OR10J1: variants seen among roughly 807,000 people sequenced by gnomAD.
OR10J1 encodes olfactory receptor family 10 subfamily J member 1, also known as olfactory receptor 10J1.
For missense variants in OR10J1, 474 were observed against 376.6 expected, an observed-to-expected ratio of 1.26 and a Z score of -2.14; for synonymous variants, 202 against 143.8, an observed-to-expected ratio of 1.40 and a Z score of -2.89.
chr1:159,436,050 T>C (rs1050193342), upstream of OR10J1, among the ~76,000 whole-genome samples: 16 of 152,194 alleles, frequency 1.1e-4, no homozygotes, highest in African/African-American at 3.9e-4. Flanking sequence ...AAATATTAAT[T>C]GCTACTGAAG....
At chr1:159,432,028 C>T in the OR10J1 span, among the ~76,000 whole-genome samples, 1 of 152,144 alleles carries the variant, frequency 6.6e-6, no homozygotes. Flanking sequence ...CCCAGAGAAC[C>T]TTGATGGGTC....
upstream of OR10J1, among the ~76,000 whole-genome samples, chr1:159,436,282 G>A (rs2101704602): frequency 6.6e-6 from 1 of 152,158 alleles, no homozygotes; most frequent in South Asian, 2.1e-4. Context: ...TCTGTTACAA[G>A]AAGAAGCTAT....
chr1:159,407,012 C>CT, the OR10J1 span, among the ~76,000 whole-genome samples: 1 of 152,012 alleles, frequency 6.6e-6, no homozygotes, highest in Non-Finnish European at 1.5e-5. Flanking sequence ...ATGTTTTGGT[C>CT]TTTTTTTCCA....
chr1:159,432,895 A>G, upstream of OR10J1: 3 of 422,706 alleles, frequency 7.1e-6, no homozygotes, highest in Middle Eastern at 3.1e-4. Context: ...AGATTGCATC[A>G]GCTGAGGGCA....
the OR10J1 span, chr1:159,406,510 G>T: frequency 4.6e-6 from 1 of 218,758 alleles, no homozygotes; most frequent in East Asian, 1.1e-4. Flanking sequence ...GGTTATCTTT[G>T]TTCCTCTACT....
chr1:159,416,022 G>T, the OR10J1 span, among the ~76,000 whole-genome samples: 42 of 151,768 alleles, frequency 2.8e-4, no homozygotes, highest in African/African-American at 1.0e-3. Context: ...TGATTTTTGT[G>T]TGTTGATTTT....
the OR10J1 span, among the ~76,000 whole-genome samples, chr1:159,410,245 G>A: frequency 1.3e-5 from 2 of 152,010 alleles, no homozygotes; most frequent in Admixed American, 6.6e-5. Context: ...CTCTTTTTCT[G>A]TTGATTGGAA....
the OR10J1 span, among the ~76,000 whole-genome samples, chr1:159,399,454 C>T: frequency 6.6e-6 from 1 of 151,200 alleles, no homozygotes; most frequent in African/African-American, 2.4e-5. Flanking sequence ...ACCTGTAGTC[C>T]CAGCTACTCA....
chr1:159,405,560 T>G, the OR10J1 span: 1 of 369,628 alleles, frequency 2.7e-6, no homozygotes, highest in Admixed American at 3.2e-5. Flanking sequence ...GAGATGAGTC[T>G]GTTCTGCCCC....
chr1:159,408,979 C>G, the OR10J1 span, among the ~76,000 whole-genome samples: 7 of 151,974 alleles, frequency 4.6e-5, no homozygotes, highest in Non-Finnish European at 8.8e-5. Context: ...AGCTATGACC[C>G]TGGGATTGAA....
the OR10J1 span, among the ~76,000 whole-genome samples, chr1:159,426,750 A>T: frequency 6.6e-6 from 1 of 151,816 alleles, no homozygotes; most frequent in Non-Finnish European, 1.5e-5. Context: ...TTATGTAAAT[A>T]TTTTTTTCAT....
the OR10J1 span, among the ~76,000 whole-genome samples, chr1:159,412,974 C>T: frequency 2.0e-5 from 3 of 152,122 alleles, no homozygotes; most frequent in African/African-American, 7.2e-5. Context: ...CGACAATGAA[C>T]TCAAACAAAT....
At chr1:159,420,843 TGAC>T in the OR10J1 span, among the ~76,000 whole-genome samples, 3 of 152,126 alleles carry the variant, frequency 2.0e-5, no homozygotes, top group South Asian at 6.2e-4. Context: ...TCTTTTTCTT[TGAC>T]TTTTGACATT....
At chr1:159,401,296 G>A in the OR10J1 span, among the ~76,000 whole-genome samples, 13 of 151,770 alleles carry the variant, frequency 8.6e-5, no homozygotes, top group Non-Finnish European at 1.6e-4. Context: ...AAACACAAAA[G>A]ATCAATGTAA....
At chr1:159,428,628 G>T in the OR10J1 span, among the ~76,000 whole-genome samples, 275 of 152,282 alleles carry the variant, frequency 1.8e-3, 1 homozygote, top group Non-Finnish European at 2.7e-3. Context: ...CAGTCCTAAC[G>T]AAGTTATGCA....
Position 159,440,841 on chromosome 1 carries a change from A to T in OR10J1, c.*120A>T. The stretch of plus-strand genomic sequence containing the variant: ...CCCTTAAATAAGAGGCAAAAGAGGA[A>T]TAGCAGTTTCATACAACTGGGAGTC... On this transcript the variant is annotated 3_prime_UTR_variant, in exon 1 of 1. Coordinates refer to ENST00000423932, the MANE Select transcript of OR10J1 (RefSeq NM_012351.3). 1 of 1,068,034 alleles carries T rather than the reference A, an allele frequency of 9.4e-7. No individual in the cohort carries two copies. Among genetic ancestry groups the T allele is most frequent in the South Asian group, 1.7e-5 (1 of 58,972 alleles). The allele number at this position is 1,068,034 out of a possible 1,614,324, so 66.2% of individuals were successfully genotyped here. A position where few individuals can be genotyped will look rare whatever the true frequency, so the allele number is the denominator to read the frequency against.
chr1:159,398,715 G>A, the OR10J1 span, among the ~76,000 whole-genome samples: 4 of 151,840 alleles, frequency 2.6e-5, no homozygotes, highest in African/African-American at 7.3e-5. Flanking sequence ...TACTGTCAGA[G>A]GAGACAAAAG....
chr1:159,413,635 A>T, the OR10J1 span, among the ~76,000 whole-genome samples: 3 of 150,496 alleles, frequency 2.0e-5, no homozygotes, highest in African/African-American at 7.3e-5. Context: ...TCGGAATTGA[A>T]CAATGAGAAC....
the OR10J1 span, among the ~76,000 whole-genome samples, chr1:159,409,612 ATAAT>A: frequency 6.6e-6 from 1 of 152,078 alleles, no homozygotes. Flanking sequence ...TTCCATCAAG[ATAAT>A]TAACCACTTA....
Sources: gnomAD v4.1 joint callset for allele counts (sites outside exome capture counted in the v4.1 genomes callset) on GRCh38, gnomAD v4.1.1 for gene constraint, MANE v1.5 for transcripts, NCBI Gene and HGNC (gene_info 2026-07-23, HGNC 2026-07-21) for gene names.